Variants in PPM1L observed in about 807,000 individuals in gnomAD.
PPM1L encodes protein phosphatase 1L.
PPM1L carries 13 observed loss-of-function variants against 31.4 expected under a neutral mutation model. The observed-to-expected ratio is 0.41, with a 90% confidence interval of 0.27 to 0.66. The LOEUF is 0.66. Among genes scored for constraint, PPM1L ranks in the 30% least tolerant of loss-of-function variants. The pLI, the probability that PPM1L is intolerant of heterozygous loss-of-function variation, is 0.29. For synonymous variants in PPM1L, 184 were observed against 175.4 expected (o/e 1.05, Z -0.39); for missense variants, 326 against 453.7 (o/e 0.72, Z 2.56).
chr3:160,926,772 A>G lies in PPM1L; in HGVS notation c.400-34964A>G, dbSNP rs554520145. 3.3e-5 allele frequency among the ~76,000 whole-genome samples: 5 copies of G among 152,296 alleles called. No homozygotes were observed. The East Asian group carries it at 7.7e-4, about 23-fold the overall frequency. ...CAAAGTCAAGATACTAAGCCACAGG[A>G]CTGCATTCTGACCCAGAATAGTTAG... On this transcript the variant is annotated intron_variant, in intron 1 of 3. Coordinates refer to ENST00000498165, the MANE Select transcript of PPM1L (RefSeq NM_139245.4).
chr3:160,978,962 C>T (rs565252800), intron 2 of PPM1L, among the ~76,000 whole-genome samples: 3 of 151,878 alleles, frequency 2.0e-5, no homozygotes, highest in Non-Finnish European at 4.4e-5. Context: ...TGGACATACT[C>T]TATACTGGAA....
At chr3:161,008,847 C>T (rs1717795439) in intron 2 of PPM1L, among the ~76,000 whole-genome samples, 1 of 152,038 alleles carries the variant, frequency 6.6e-6, no homozygotes, top group African/African-American at 2.4e-5. Context: ...AAAGTTGGGT[C>T]AAGTAGGCAA....
At chr3:160,869,312 T>C (rs974156846) in intron 1 of PPM1L, among the ~76,000 whole-genome samples, 2 of 152,172 alleles carry the variant, frequency 1.3e-5, no homozygotes, top group Admixed American at 1.3e-4. Flanking sequence ...ACAATAATAA[T>C]AACAAAACTA....
At chr3:161,037,260 G>C (rs1162938989) in intron 2 of PPM1L, among the ~76,000 whole-genome samples, 5 of 152,074 alleles carry the variant, frequency 3.3e-5, no homozygotes, top group Non-Finnish European at 7.4e-5. Context: ...TTTGCTCTTT[G>C]TCTCTGGAAT....
intron 1 of PPM1L, among the ~76,000 whole-genome samples, chr3:160,930,521 C>T (rs917913624): frequency 6.6e-6 from 1 of 152,144 alleles, no homozygotes; most frequent in African/African-American, 2.4e-5. Context: ...ATTTGTACTG[C>T]TTGTAACCGA....
intron 1 of PPM1L, among the ~76,000 whole-genome samples, chr3:160,761,846 G>A (rs1377142805): frequency 1.3e-5 from 2 of 152,120 alleles, no homozygotes; most frequent in Non-Finnish European, 2.9e-5. Flanking sequence ...GAGAGCTTGT[G>A]GAGGGAAACT....
chr3:160,984,402 C>T (rs529346568), intron 2 of PPM1L, among the ~76,000 whole-genome samples: 40 of 152,274 alleles, frequency 2.6e-4, no homozygotes, highest in Admixed American at 3.3e-4. Flanking sequence ...CCCTGAAAAT[C>T]GCTGTTACCC....
chr3:160,993,422 G>A (rs1717199854), intron 2 of PPM1L, among the ~76,000 whole-genome samples: 1 of 152,150 alleles, frequency 6.6e-6, no homozygotes, highest in African/African-American at 2.4e-5. Flanking sequence ...GAAAACATGG[G>A]AGCTGAACTA....
At chr3:160,868,328 T>C (rs1712166157) in intron 1 of PPM1L, among the ~76,000 whole-genome samples, 1 of 152,186 alleles carries the variant, frequency 6.6e-6, no homozygotes, top group African/African-American at 2.4e-5. Context: ...TGACAGCAGA[T>C]GCAACATTGG....
At chr3:161,016,473 A>C (rs1005332436) in intron 2 of PPM1L, among the ~76,000 whole-genome samples, 1 of 152,238 alleles carries the variant, frequency 6.6e-6, no homozygotes, top group Non-Finnish European at 1.5e-5. Context: ...CAAGATATGG[A>C]ACGCTGAAGA....
intron 1 of PPM1L, among the ~76,000 whole-genome samples, chr3:160,822,421 T>C (rs1388046020): frequency 6.6e-6 from 1 of 152,090 alleles, no homozygotes; most frequent in Non-Finnish European, 1.5e-5. Flanking sequence ...AAAAAGTTCC[T>C]AAGGATATTT....
rs147104874 is a variant in PPM1L, at chr3:160,977,596, A to T, written c.574+15686A>T. On this transcript the variant is annotated intron_variant, in intron 2 of 3. Coordinates refer to ENST00000498165, the MANE Select transcript of PPM1L (RefSeq NM_139245.4). ...CTGTCTTAGTCTGCCTCATTCAAGG[A>T]AGGAAGTAACACAAATTATATTTTT... Among the ~76,000 whole-genome samples, 24 of 152,304 alleles carry T rather than the reference A, an allele frequency of 1.6e-4. No homozygotes were observed. The East Asian group carries it at 4.2e-3, about 27-fold the overall frequency.
At chr3:160,880,813 A>G (rs941833387) in intron 1 of PPM1L, among the ~76,000 whole-genome samples, 2 of 152,144 alleles carry the variant, frequency 1.3e-5, no homozygotes, top group Non-Finnish European at 2.9e-5. Context: ...ACAAGTTAGA[A>G]TCTCCTATTT....
At chr3:161,013,889 A>T (rs930959895) in intron 2 of PPM1L, among the ~76,000 whole-genome samples, 1 of 152,014 alleles carries the variant, frequency 6.6e-6, no homozygotes, top group Non-Finnish European at 1.5e-5. Flanking sequence ...ATCTTCCTCC[A>T]TCCCTTTATT....
At chr3:160,906,167 T>A (rs2108058299) in intron 1 of PPM1L, among the ~76,000 whole-genome samples, 1 of 152,328 alleles carries the variant, frequency 6.6e-6, no homozygotes, top group South Asian at 2.1e-4. Flanking sequence ...AAATTGTATT[T>A]CTATAGGAGT....
rs573511305 is a variant in PPM1L at position 161,000,208 on chromosome 3, G to C, written c.574+38298G>C. Among the ~76,000 whole-genome samples, 156 of 152,308 alleles carry C rather than the reference G, an allele frequency of 1.0e-3. 1 individual carries two copies. The highest frequency in any genetic ancestry group is 3.5e-3 in the African/African-American group (145 of 41,552). ...ACACATGTGCTTTAAGTAATTAGAGGTTAGGTGATATAAATTTGATAAGAG... is the reference window on the plus strand; with the variant it reads ...ACACATGTGCTTTAAGTAATTAGAGCTTAGGTGATATAAATTTGATAAGAG... On this transcript the variant is annotated intron_variant, in intron 2 of 3. Transcript: ENST00000498165.
intron 1 of PPM1L, among the ~76,000 whole-genome samples, chr3:160,860,783 C>A (rs1192798886): frequency 6.6e-6 from 1 of 152,190 alleles, no homozygotes; most frequent in Non-Finnish European, 1.5e-5. Flanking sequence ...TGAGGTTCCT[C>A]TTCCTACTTT....
intron 1 of PPM1L, among the ~76,000 whole-genome samples, chr3:160,885,886 A>G (rs540525594): frequency 6.6e-6 from 1 of 152,312 alleles, no homozygotes; most frequent in East Asian, 1.9e-4. Context: ...TGTGTAAGCC[A>G]TGTGAGCTCC....
At chr3:160,854,539 A>G (rs1456034433) in intron 1 of PPM1L, among the ~76,000 whole-genome samples, 2 of 152,084 alleles carry the variant, frequency 1.3e-5, no homozygotes, top group African/African-American at 4.8e-5. Context: ...GCATTTCTAT[A>G]TACCAACAAT....
Sources: gnomAD v4.1 joint callset for allele counts (sites outside exome capture counted in the v4.1 genomes callset) on GRCh38, gnomAD v4.1.1 for gene constraint, MANE v1.5 for transcripts, NCBI Gene and HGNC (gene_info 2026-07-23, HGNC 2026-07-21) for gene names.